KCNMB2: variants seen among roughly 807,000 people sequenced by gnomAD.
The protein encoded by KCNMB2 is potassium calcium-activated channel subfamily M regulatory beta subunit 2.
In KCNMB2, 9 loss-of-function variants were observed where a neutral mutation model predicts 24.5. The ratio of observed to expected loss-of-function variants is 0.37; its 90% CI spans 0.22 to 0.64. The LOEUF is 0.64. Among genes scored for constraint, KCNMB2 ranks in the 30% least tolerant of loss-of-function variants. The probability of loss-of-function intolerance (pLI) is 0.63; values close to 1 mark genes in which losing one functional copy is unlikely to be tolerated. For synonymous variants in KCNMB2, 109 were observed against 104.4 expected (o/e 1.04, Z -0.27); for missense variants, 226 against 284.3 (o/e 0.79, Z 1.47).
intron 1 of KCNMB2, among the ~76,000 whole-genome samples, chr3:178,617,464 A>G (rs1332727076): frequency 6.6e-6 from 1 of 152,128 alleles, no homozygotes; most frequent in Non-Finnish European, 1.5e-5. Flanking sequence ...AGGCTGAGGC[A>G]GGAGAATCGC....
At chr3:178,755,984 G>A (rs73051665) in intron 1 of KCNMB2, among the ~76,000 whole-genome samples, 4,376 of 152,180 alleles carry the variant, frequency 0.029, 227 homozygotes, top group African/African-American at 0.099. Context: ...GCACTGCTGA[G>A]GAGGATATAA....
rs71181241 is a variant in KCNMB2 at position 178,691,107 on chromosome 3, C to CTT, written c.-67-116217_-67-116216dup. ...TGTACAGCATAATTCCCCATTAAGTCTTTTTTTTTTTTTTTTTTTTGATAG... is the reference window on the plus strand; with the variant it reads ...TGTACAGCATAATTCCCCATTAAGTCTTTTTTTTTTTTTTTTTTTTTTGATAG... On this transcript the variant is annotated intron_variant, in intron 1 of 4. Transcript: ENST00000452583. Among the ~76,000 whole-genome samples the CTT allele has an allele frequency of 3.6e-3, 288 of 79,718 alleles. 31 individuals carry two copies. Among genetic ancestry groups the CTT allele is most frequent in the African/African-American group, 0.015 (244 of 16,300 alleles). 52.3% of individuals were successfully genotyped at this position (79,718 alleles called of 152,430 possible).
At chr3:178,603,471 AAAGG>A (rs1305200926) in intron 1 of KCNMB2, among the ~76,000 whole-genome samples, 2 of 90,306 alleles carry the variant, frequency 2.2e-5, no homozygotes, top group Non-Finnish European at 5.6e-5. Flanking sequence ...AGAAATGGGC[AAAGG>A]AAGGAAGGAA....
chr3:178,710,367 C>A (rs898909060), intron 1 of KCNMB2, among the ~76,000 whole-genome samples: 1 of 152,028 alleles, frequency 6.6e-6, no homozygotes, highest in African/African-American at 2.4e-5. Context: ...CTTGAACTAC[C>A]CATATTCAAA....
intron 2 of KCNMB2, among the ~76,000 whole-genome samples, chr3:178,823,279 G>A (rs1448260586): frequency 6.6e-6 from 1 of 152,192 alleles, no homozygotes; most frequent in African/African-American, 2.4e-5. Flanking sequence ...AGCTAATCCA[G>A]AGGCATTGGG....
chr3:178,708,389 A>G (rs1249501084), intron 1 of KCNMB2, among the ~76,000 whole-genome samples: 1 of 152,128 alleles, frequency 6.6e-6, no homozygotes, highest in African/African-American at 2.4e-5. Context: ...ATGCTGTTAA[A>G]AAACATTCTC....
chr3:178,765,023 C>T (rs1712057467), intron 1 of KCNMB2, among the ~76,000 whole-genome samples: 1 of 152,160 alleles, frequency 6.6e-6, no homozygotes, highest in Admixed American at 6.5e-5. Context: ...TATTACTCTT[C>T]TTTGATGTCT....
intron 1 of KCNMB2, among the ~76,000 whole-genome samples, chr3:178,543,561 G>A (rs1715687436): frequency 6.6e-6 from 1 of 152,198 alleles, no homozygotes; most frequent in Non-Finnish European, 1.5e-5. Flanking sequence ...CAATAAAAAT[G>A]TCACTACCTC....
chr3:178,773,155 T>C (rs1213478996), intron 1 of KCNMB2, among the ~76,000 whole-genome samples: 2 of 152,180 alleles, frequency 1.3e-5, no homozygotes, highest in African/African-American at 4.8e-5. Context: ...GGCAACTCTT[T>C]ACTGAGTTAG....
chr3:178,550,229 T>A (rs1462372812), intron 1 of KCNMB2, among the ~76,000 whole-genome samples: 1 of 151,336 alleles, frequency 6.6e-6, no homozygotes, highest in Non-Finnish European at 1.5e-5. Context: ...GGCGGGCGGA[T>A]CATGAGGTCA....
At chr3:178,628,761 TA>T (rs1450493323) in intron 1 of KCNMB2, among the ~76,000 whole-genome samples, 1 of 152,144 alleles carries the variant, frequency 6.6e-6, no homozygotes, top group Non-Finnish European at 1.5e-5. Context: ...AAATCATTCT[TA>T]AAAATGGTAG....
intron 1 of KCNMB2, among the ~76,000 whole-genome samples, chr3:178,644,666 G>A (rs981061381): frequency 6.6e-6 from 1 of 152,192 alleles, no homozygotes; most frequent in Admixed American, 6.5e-5. Flanking sequence ...TCTTAGCTTT[G>A]CATCAGTTTC....
intron 1 of KCNMB2, among the ~76,000 whole-genome samples, chr3:178,697,908 T>TA (rs1721941305): frequency 6.6e-6 from 1 of 151,898 alleles, no homozygotes; most frequent in African/African-American, 2.4e-5. Flanking sequence ...GTTTTTTTTT[T>TA]AAGAATGTTG....
chr3:178,553,955 A>C (rs1388698513), intron 1 of KCNMB2, among the ~76,000 whole-genome samples: 1 of 152,200 alleles, frequency 6.6e-6, no homozygotes, highest in East Asian at 1.9e-4. Flanking sequence ...CATTGAAAAG[A>C]AATATACCAC....
At chr3:178,570,721 C>G (rs748038684) in intron 1 of KCNMB2, among the ~76,000 whole-genome samples, 1 of 151,914 alleles carries the variant, frequency 6.6e-6, no homozygotes, top group Non-Finnish European at 1.5e-5. Flanking sequence ...AAGAGCAAAA[C>G]CTTACAAAGA....
rs140087053 is a variant in KCNMB2, at chr3:178,650,609, A to C, written c.-68+113898A>C. On this transcript the variant is annotated intron_variant, in intron 1 of 4. Transcript: ENST00000452583. ...AAACCTGGCAGAGACACAACAACAA[A>C]AAAAAATTTCAGGCCAATATCCCTG... 7.3e-3 allele frequency among the ~76,000 whole-genome samples: 1,108 copies of C among 152,290 alleles called. 14 individuals carry two copies. Among genetic ancestry groups the C allele is most frequent in the African/African-American group, 0.025 (1,058 of 41,540 alleles).
At chr3:178,801,432 T>G in intron 1 of KCNMB2, among the ~76,000 whole-genome samples, 1 of 152,234 alleles carries the variant, frequency 6.6e-6, no homozygotes, top group Middle Eastern at 3.2e-3. Context: ...CAATGCACTC[T>G]TCTTTTCCTC....
chr3:178,543,276 T>C (rs1473600056), intron 1 of KCNMB2, among the ~76,000 whole-genome samples: 2 of 152,188 alleles, frequency 1.3e-5, no homozygotes, highest in East Asian at 1.9e-4. Flanking sequence ...AAAGAAAATG[T>C]CTGCCTCTCT....
chr3:178,742,318 G>C (rs906147655), intron 1 of KCNMB2, among the ~76,000 whole-genome samples: 1 of 152,152 alleles, frequency 6.6e-6, no homozygotes, highest in Admixed American at 6.5e-5. Flanking sequence ...TTCTACACCT[G>C]CACACCTATG....
Sources: gnomAD v4.1 joint callset for allele counts (sites outside exome capture counted in the v4.1 genomes callset) on GRCh38, gnomAD v4.1.1 for gene constraint, MANE v1.5 for transcripts, NCBI Gene and HGNC (gene_info 2026-07-23, HGNC 2026-07-21) for gene names.